Variants in PRIMPOL observed in about 807,000 individuals in gnomAD.
PRIMPOL encodes primase and DNA directed polymerase.
PRIMPOL carries 54 observed loss-of-function variants against 63.6 expected under a neutral mutation model. That is an observed-to-expected ratio of 0.85 (90% CI 0.68 to 1.07). The LOEUF (loss-of-function observed/expected upper bound fraction) is 1.07. Ranked by LOEUF, PRIMPOL falls within the 50% of genes least tolerant of loss-of-function variation. The pLI, the probability that PRIMPOL is intolerant of heterozygous loss-of-function variation, is 0.00. For missense variants in PRIMPOL, 610 were observed against 648.3 expected (o/e 0.94, Z 0.64); for synonymous variants, 197 against 220.2 (o/e 0.89, Z 0.93).
chr4:184,655,542 G>A (rs925959361), intron 2 of PRIMPOL, among the ~76,000 whole-genome samples: 1 of 151,608 alleles, frequency 6.6e-6, no homozygotes, highest in Non-Finnish European at 1.5e-5. Context: ...GGCTGGTCTC[G>A]AACTCATGAC....
chr4:184,680,197 A>ATT (rs113312511), intron 8 of PRIMPOL, among the ~76,000 whole-genome samples: 8,274 of 151,016 alleles, frequency 0.055, 523 homozygotes, highest in African/African-American at 0.16. Flanking sequence ...TCTAAATATA[A>ATT]TTTTTTTTTT....
intron 4 of PRIMPOL, among the ~76,000 whole-genome samples, chr4:184,660,419 G>C (rs908482525): frequency 6.6e-6 from 1 of 151,140 alleles, no homozygotes; most frequent in African/African-American, 2.4e-5. Context: ...GACCTCAGAT[G>C]ATCTGCCTGC....
intron 9 of PRIMPOL, among the ~76,000 whole-genome samples, chr4:184,684,265 G>A (rs1756414829): frequency 6.6e-6 from 1 of 152,116 alleles, no homozygotes; most frequent in South Asian, 2.1e-4. Context: ...AGACCAGCCT[G>A]ACCAATGCAG....
chr4:184,673,175 G>T (rs1752311507), intron 7 of PRIMPOL, among the ~76,000 whole-genome samples: 1 of 147,472 alleles, frequency 6.8e-6, no homozygotes, highest in South Asian at 2.1e-4. Flanking sequence ...TTTAGCCCAG[G>T]CCGGACTGCA....
At chr4:184,690,446 TTTATTTATTTATTTAC>T (rs1758205323) in intron 11 of PRIMPOL, among the ~76,000 whole-genome samples, 1 of 152,040 alleles carries the variant, frequency 6.6e-6, no homozygotes, top group African/African-American at 2.4e-5. Context: ...CTGCCTGCCT[TTTATTTATTTATTTAC>T]TTATTTATTT....
rs114834010 is a variant in PRIMPOL, at chr4:184,679,690, C to T, written c.1007+1296C>T. Among the ~76,000 whole-genome samples, 840 of 152,226 alleles carry T rather than the reference C, an allele frequency of 5.5e-3. 10 individuals carry two copies. Among genetic ancestry groups the T allele is most frequent in the African/African-American group, 0.019 (784 of 41,540 alleles). On this transcript the variant is annotated intron_variant, in intron 8 of 13. Transcript: ENST00000314970. Reference sequence around the variant, plus strand: ...CCCACAGCAGGAGGTGAGCAGTAGGCGAGCGAGCGAGCAATACCACCTTCC... The same window carrying T: ...CCCACAGCAGGAGGTGAGCAGTAGGTGAGCGAGCGAGCAATACCACCTTCC...
At chr4:184,690,361 A>AAATC (rs1365820924) in intron 11 of PRIMPOL, among the ~76,000 whole-genome samples, 5 of 152,192 alleles carry the variant, frequency 3.3e-5, no homozygotes, top group African/African-American at 9.6e-5. Flanking sequence ...CCTTATTTTT[A>AAATC]AATCAATTTT....
At chr4:184,688,604 C>G (rs1317586907) in intron 11 of PRIMPOL, among the ~76,000 whole-genome samples, 1 of 152,192 alleles carries the variant, frequency 6.6e-6, no homozygotes, top group Admixed American at 6.5e-5. Flanking sequence ...AAACCCGAGG[C>G]AGGCGTGAGC....
intron 13 of PRIMPOL, among the ~76,000 whole-genome samples, chr4:184,693,645 C>T (rs935741439): frequency 6.6e-6 from 1 of 152,130 alleles, no homozygotes; most frequent in Non-Finnish European, 1.5e-5. Context: ...AAAGGCCTAA[C>T]CTACAGAAAT....
At position 184,678,372 on chromosome 4, in the gene PRIMPOL, T is replaced by A; in HGVS notation, c.985T>A (p.Ser329Thr). 1 of 1,605,322 alleles carries A rather than the reference T, an allele frequency of 6.2e-7. No homozygotes were observed. The highest frequency in any genetic ancestry group is 8.5e-7 in the Non-Finnish European group (1 of 1,177,422). ...DVSDEYQYFLSSLVSNVRFSD... is the reference protein window; with the variant it reads ...DVSDEYQYFLTSLVSNVRFSD... Reference sequence around the variant, plus strand: ...TTCTGACGAATATCAATATTTTCTCTCTTCTTTGGTCAGCAATGTCAGGTA... The same window carrying A: ...TTCTGACGAATATCAATATTTTCTCACTTCTTTGGTCAGCAATGTCAGGTA... The change falls in exon 8 of 14, where the codon TCT (serine) becomes ACT (threonine). Residue 329 changes from serine to threonine, a missense_variant. Transcript: ENST00000314970.
intron 11 of PRIMPOL, among the ~76,000 whole-genome samples, chr4:184,687,168 T>G (rs1319124963): frequency 2.0e-5 from 3 of 152,112 alleles, no homozygotes; most frequent in Non-Finnish European, 4.4e-5. Flanking sequence ...CTTCCTTGAT[T>G]CAAGTGATTC....
At chr4:184,687,595 C>T in intron 11 of PRIMPOL, among the ~76,000 whole-genome samples, 1 of 152,064 alleles carries the variant, frequency 6.6e-6, no homozygotes, top group East Asian at 1.9e-4. Context: ...TATCTCTAAA[C>T]AATATACTGT....
intron 11 of PRIMPOL, among the ~76,000 whole-genome samples, chr4:184,688,057 G>A (rs962152936): frequency 3.3e-5 from 5 of 152,220 alleles, no homozygotes; most frequent in African/African-American, 1.2e-4. Context: ...CATGCCATGT[G>A]TATAAATATA....
chr4:184,684,093 A>G (rs1002819366), intron 9 of PRIMPOL, among the ~76,000 whole-genome samples: 1 of 152,128 alleles, frequency 6.6e-6, no homozygotes, highest in Non-Finnish European at 1.5e-5. Flanking sequence ...TATTTCTCCA[A>G]TTATATATAT....
At chr4:184,666,186 G>T (rs1412148555) in intron 6 of PRIMPOL, 122 bp downstream of exon 6, 2 of 728,480 alleles carry the variant, frequency 2.7e-6, no homozygotes, top group Non-Finnish European at 4.2e-6. Context: ...TAAAAAATGC[G>T]ATGTAGGCTG....
chr4:184,674,589 T>G (rs1752775586), intron 7 of PRIMPOL, among the ~76,000 whole-genome samples: 1 of 152,178 alleles, frequency 6.6e-6, no homozygotes, highest in Non-Finnish European at 1.5e-5. Flanking sequence ...CAGATAAAAA[T>G]CGGTGTATAA....
intron 9 of PRIMPOL, among the ~76,000 whole-genome samples, chr4:184,683,123 A>G (rs1310927689): frequency 6.6e-6 from 1 of 152,006 alleles, no homozygotes; most frequent in South Asian, 2.1e-4. Context: ...AAAGTATGAG[A>G]AAGATGTTTA....
intron 7 of PRIMPOL, among the ~76,000 whole-genome samples, chr4:184,673,605 A>G (rs1011759428): frequency 3.3e-5 from 5 of 151,296 alleles, no homozygotes; most frequent in Middle Eastern, 6.9e-3. Context: ...TTGTATTTTT[A>G]GTACAGACGG....
intron 5 of PRIMPOL, among the ~76,000 whole-genome samples, chr4:184,662,910 C>CA (rs1222889898): frequency 4.0e-5 from 6 of 150,334 alleles, no homozygotes; most frequent in Admixed American, 4.0e-4. Flanking sequence ...CCACCACCCC[C>CA]AAAAAAAACC....
Sources: gnomAD v4.1 joint callset for allele counts (sites outside exome capture counted in the v4.1 genomes callset) on GRCh38, gnomAD v4.1.1 for gene constraint, MANE v1.5 for transcripts, NCBI Gene and HGNC (gene_info 2026-07-23, HGNC 2026-07-21) for gene names.